The following LRRC4C variants were observed in gnomAD, a reference collection of about 807,000 sequenced individuals.
LRRC4C encodes leucine-rich repeat-containing protein 4C.
In LRRC4C, 5 loss-of-function variants were observed where a neutral mutation model predicts 33.6. The observed-to-expected ratio is 0.15, with a 90% CI of 0.08 to 0.31. The LOEUF (loss-of-function observed/expected upper bound fraction) is 0.31, where lower values mean the gene tolerates loss of function less well. Among genes scored for constraint, LRRC4C ranks in the 10% least tolerant of loss-of-function variants. The pLI is 1.00. For synonymous variants in LRRC4C, 329 were observed against 302.0 expected, an observed-to-expected ratio of 1.09 and a Z score of -0.93; for missense variants, 560 against 796.7, an observed-to-expected ratio of 0.70 and a Z score of 3.58.
rs559270467 is a variant in LRRC4C, at chr11:41,350,098, A to G, written c.-496+109333T>C. Among the ~76,000 whole-genome samples the G allele has an allele frequency of 8.5e-4, 129 of 152,344 alleles. No homozygotes were observed. The Middle Eastern group carries it at 0.01, about 12-fold the overall frequency. On this transcript the variant is annotated intron_variant, in intron 1 of 6. Coordinates refer to ENST00000528697, the MANE Select transcript of LRRC4C (RefSeq NM_001258419.2). ...GTACACTTGTGAAAGAATGAAAGTT[A>G]AAAAGGCAAATGACATCTTGGTATT...
intron 1 of LRRC4C, among the ~76,000 whole-genome samples, chr11:41,281,694 G>A (rs183035390): frequency 3.4e-4 from 51 of 152,206 alleles, no homozygotes; most frequent in African/African-American, 1.2e-3. Context: ...GATACAATCG[G>A]GGAACTGATA....
intron 4 of LRRC4C, among the ~76,000 whole-genome samples, chr11:40,256,305 G>T (rs1427716401): frequency 6.6e-6 from 1 of 152,110 alleles, no homozygotes; most frequent in African/African-American, 2.4e-5. Flanking sequence ...CATTGAACAG[G>T]TACCTCATCT....
chr11:41,332,373 C>T (rs930655612), intron 1 of LRRC4C, among the ~76,000 whole-genome samples: 4 of 151,690 alleles, frequency 2.6e-5, no homozygotes, highest in Non-Finnish European at 4.4e-5. Flanking sequence ...TCATAAGTGC[C>T]CAGCTACCAC....
chr11:41,336,837 G>T (rs1438477465), intron 1 of LRRC4C, among the ~76,000 whole-genome samples: 2 of 151,920 alleles, frequency 1.3e-5, no homozygotes, highest in Non-Finnish European at 2.9e-5. Flanking sequence ...CTTTTATGTT[G>T]GGATCCATGC....
intron 3 of LRRC4C, among the ~76,000 whole-genome samples, chr11:40,359,387 T>C (rs1357673486): frequency 6.6e-6 from 1 of 152,184 alleles, no homozygotes; most frequent in Non-Finnish European, 1.5e-5. Context: ...ATCCCAGTAG[T>C]ATGAGTTCAG....
At chr11:40,820,771 C>T (rs566147658) in intron 2 of LRRC4C, among the ~76,000 whole-genome samples, 40 of 151,842 alleles carry the variant, frequency 2.6e-4, no homozygotes, top group African/African-American at 5.3e-4. Flanking sequence ...AAGAAATATG[C>T]TCTTGTCCTT....
chr11:40,422,194 T>C (rs1950545674), intron 3 of LRRC4C, among the ~76,000 whole-genome samples: 1 of 152,162 alleles, frequency 6.6e-6, no homozygotes, highest in Admixed American at 6.5e-5. Flanking sequence ...GTCCTCACCG[T>C]AATAACCATC....
chr11:40,962,140 G>A (rs1027825952), intron 1 of LRRC4C, among the ~76,000 whole-genome samples: 1 of 151,470 alleles, frequency 6.6e-6, no homozygotes, highest in African/African-American at 2.4e-5. Flanking sequence ...ATGTGATTAA[G>A]ATAACAAGGG....
intron 3 of LRRC4C, among the ~76,000 whole-genome samples, chr11:40,553,640 T>C (rs1957216201): frequency 6.6e-6 from 1 of 152,220 alleles, no homozygotes; most frequent in African/African-American, 2.4e-5. Context: ...AGATGGTATG[T>C]CACAGAGCTT....
At chr11:40,661,325 T>C (rs2136211564) in intron 2 of LRRC4C, among the ~76,000 whole-genome samples, 1 of 152,354 alleles carries the variant, frequency 6.6e-6, no homozygotes, top group Middle Eastern at 3.4e-3. Flanking sequence ...TGTATTTAGC[T>C]GTTCAAGTCT....
At chr11:41,249,459 A>G (rs1173632324) in intron 1 of LRRC4C, among the ~76,000 whole-genome samples, 1 of 152,156 alleles carries the variant, frequency 6.6e-6, no homozygotes, top group Non-Finnish European at 1.5e-5. Flanking sequence ...AGATCAATTC[A>G]TTTCTCTATT....
At position 41,338,065 on chromosome 11, in the gene LRRC4C, G is replaced by T. The variant is rs1371311459; in HGVS notation, c.-496+121366C>A. Among the ~76,000 whole-genome samples the T allele has an allele frequency of 2.6e-5, 4 of 152,294 alleles. No individual in the cohort carries two copies. In the East Asian group the frequency reaches 7.7e-4, roughly 29 times the overall value. ...TGCTGTTGAGGCTGTGGAGAAATGG[G>T]AAAGCTTTTACACTGTTGGTAGGTT... On this transcript the variant is annotated intron_variant, in intron 1 of 6. Transcript: ENST00000528697.
intron 1 of LRRC4C, among the ~76,000 whole-genome samples, chr11:41,079,721 C>T (rs940410361): frequency 2.8e-4 from 42 of 152,292 alleles, no homozygotes; most frequent in Admixed American, 2.5e-3. Context: ...ACCAGGATGG[C>T]TTCAAATGTG....
intron 1 of LRRC4C, among the ~76,000 whole-genome samples, chr11:40,952,531 A>AAGCAATGCAAATGTAATATATTTC (rs1213069326): frequency 6.6e-6 from 1 of 151,956 alleles, no homozygotes; most frequent in African/African-American, 2.4e-5. Context: ...GCTATATTTG[A>AAGCAATGCAAATGTAATATATTTC]AGCAATGCAA....
chr11:41,056,845 C>T (rs1178978915), intron 1 of LRRC4C, among the ~76,000 whole-genome samples: 1 of 152,330 alleles, frequency 6.6e-6, no homozygotes, highest in Non-Finnish European at 1.5e-5. Context: ...GCAGCCACTG[C>T]CATCACACCA....
At chr11:40,458,339 C>T (rs1257807861) in intron 3 of LRRC4C, among the ~76,000 whole-genome samples, 2 of 152,082 alleles carry the variant, frequency 1.3e-5, no homozygotes, top group Admixed American at 6.6e-5. Context: ...TCTATATAAA[C>T]CCTTGTAATC....
intron 1 of LRRC4C, among the ~76,000 whole-genome samples, chr11:41,116,180 G>C (rs964827205): frequency 1.3e-5 from 2 of 152,056 alleles, no homozygotes; most frequent in African/African-American, 2.4e-5. Flanking sequence ...GAGCATTTAA[G>C]ACTACAAGCT....
chr11:40,539,670 G>C (rs537412794), intron 3 of LRRC4C, among the ~76,000 whole-genome samples: 1 of 152,100 alleles, frequency 6.6e-6, no homozygotes, highest in East Asian at 1.9e-4. Context: ...GTCATTCTAG[G>C]CAGAATGTCA....
intron 1 of LRRC4C, among the ~76,000 whole-genome samples, chr11:41,167,783 T>C (rs1366145256): frequency 6.6e-6 from 1 of 152,174 alleles, no homozygotes; most frequent in African/African-American, 2.4e-5. Context: ...TCCCCAGTCA[T>C]GATGCTCTCC....
Sources: gnomAD v4.1 joint callset for allele counts (sites outside exome capture counted in the v4.1 genomes callset) on GRCh38, gnomAD v4.1.1 for gene constraint, MANE v1.5 for transcripts, NCBI Gene and HGNC (gene_info 2026-07-23, HGNC 2026-07-21) for gene names.